Variants in DZANK1 observed in about 807,000 individuals in gnomAD.
The protein encoded by DZANK1 is double zinc ribbon and ankyrin repeat-containing protein 1.
A neutral mutation model predicts 94.5 loss-of-function variants in DZANK1; 91 were observed. That is an observed-to-expected ratio of 0.96 (90% CI 0.81 to 1.15). DZANK1 has a LOEUF of 1.15. Among genes scored for constraint, DZANK1 ranks in the 50% most tolerant of loss-of-function variants. DZANK1 has a pLI of 0.00. For missense variants in DZANK1, 903 were observed against 916.4 expected (o/e 0.99, Z 0.19); for synonymous variants, 312 against 325.3 (o/e 0.96, Z 0.44).
chr20:18,452,856 C>T, intron 5 of DZANK1, 117 bp from the exon 6 acceptor site: 2 of 1,064,522 alleles, frequency 1.9e-6, no homozygotes, highest in South Asian at 1.8e-5. Flanking sequence ...ACATTGCTTC[C>T]CTAGAAGTAA....
intron 12 of DZANK1, chr20:18,413,095 G>A (rs138382943): frequency 1.8e-5 from 10 of 558,000 alleles, no homozygotes; most frequent in African/African-American, 3.8e-5. Flanking sequence ...GGTGTTTGCC[G>A]GCCTGCTTGA....
In DZANK1 at chr20:18,465,279, T is replaced by C. The variant is rs753879677; in HGVS notation, c.80A>G (p.Asp27Gly). 8 of 1,607,414 alleles carry C rather than the reference T, an allele frequency of 5.0e-6. No homozygotes were observed. In the Admixed American group the frequency reaches 8.4e-5, roughly 17 times the overall value. The change falls in exon 2 of 21, where the codon GAT becomes GGT. Residue 27 changes from aspartate (D) to glycine (G), a missense_variant. Transcript: ENST00000262547. ...TTTCATTTCCAAAAGCGTATTGTTA[T>C]CAATTTCATGGTTAGCTTTTCCAGG...
At chr20:18,408,311 G>A (rs187268839) in intron 13 of DZANK1, among the ~76,000 whole-genome samples, 163 of 152,172 alleles carry the variant, frequency 1.1e-3, no homozygotes, top group Non-Finnish European at 1.3e-3. Context: ...GTGAGACTCC[G>A]TCTCAAAAAA....
intron 9 of DZANK1, among the ~76,000 whole-genome samples, chr20:18,429,233 C>T (rs1226763640): frequency 1.3e-5 from 2 of 152,152 alleles, no homozygotes; most frequent in Admixed American, 1.3e-4. Flanking sequence ...ACAGAAAATA[C>T]TTCCTCTAGG....
intron 7 of DZANK1, among the ~76,000 whole-genome samples, chr20:18,445,696 T>G (rs1459500514): frequency 1.3e-5 from 2 of 150,360 alleles, no homozygotes; most frequent in East Asian, 3.9e-4. Flanking sequence ...AGGCCAGGAG[T>G]TCAAGACCAG....
exon 20 of DZANK1, chr20:18,385,074 G>C (rs2048400709): frequency 6.4e-7 from 1 of 1,553,022 alleles, no homozygotes; most frequent in African/African-American, 1.4e-5. Context: ...GCTTCATGAA[G>C]AGCTGTATTT....
At chr20:18,392,971 G>A (rs1025729855) in intron 17 of DZANK1, among the ~76,000 whole-genome samples, 1 of 152,190 alleles carries the variant, frequency 6.6e-6, no homozygotes, top group Non-Finnish European at 1.5e-5. Context: ...AGCTGAGATC[G>A]CTAGTGCCTT....
intron 15 of DZANK1, chr20:18,394,562 CCCT>C: frequency 2.9e-6 from 2 of 683,642 alleles, no homozygotes; most frequent in Non-Finnish European, 5.4e-6. Context: ...TCAGTCTGGC[CCCT>C]CCTCCTCTCC....
chr20:18,409,392 C>A (rs1206639698), intron 13 of DZANK1, among the ~76,000 whole-genome samples: 1 of 152,072 alleles, frequency 6.6e-6, no homozygotes, highest in Admixed American at 6.6e-5. Context: ...AGTAGATCAA[C>A]GTATTCAAAG....
chr20:18,392,613 G>C (rs1421931296), intron 17 of DZANK1, among the ~76,000 whole-genome samples: 1 of 152,244 alleles, frequency 6.6e-6, no homozygotes, highest in Non-Finnish European at 1.5e-5. Flanking sequence ...GGATGGAGCA[G>C]GTGGCATCCA....
chr20:18,461,746 C>CCCA (rs912918485), intron 2 of DZANK1, among the ~76,000 whole-genome samples: 1 of 151,962 alleles, frequency 6.6e-6, no homozygotes, highest in Non-Finnish European at 1.5e-5. Flanking sequence ...ATTACAAGCA[C>CCCA]CCACCACCAC....
intron 12 of DZANK1, 77 bp from the exon 13 acceptor site, chr20:18,412,930 C>T: frequency 7.7e-7 from 1 of 1,300,664 alleles, no homozygotes; most frequent in Admixed American, 2.3e-5. Context: ...TAGAAAACAA[C>T]TCTAATCAGA....
At chr20:18,436,634 A>G (rs1568977638) in intron 8 of DZANK1, among the ~76,000 whole-genome samples, 1 of 152,156 alleles carries the variant, frequency 6.6e-6, no homozygotes, top group Non-Finnish European at 1.5e-5. Context: ...AAGTAAGGGA[A>G]AGAGAGAAAG....
intron 9 of DZANK1, among the ~76,000 whole-genome samples, 177 bp from the exon 10 acceptor site, chr20:18,427,336 T>C (rs1185771077): frequency 6.6e-6 from 1 of 151,834 alleles, no homozygotes; most frequent in Non-Finnish European, 1.5e-5. Context: ...TATCTGTAGG[T>C]TTTTTTGGGT....
chr20:18,398,053 TA>T (rs1194608307), intron 14 of DZANK1, among the ~76,000 whole-genome samples: 3 of 152,130 alleles, frequency 2.0e-5, no homozygotes, highest in South Asian at 2.1e-4. Flanking sequence ...AATTTGTGGT[TA>T]TTTTTTTTAA....
At chr20:18,394,798 C>G (rs2056241836) in intron 15 of DZANK1, 1 of 457,344 alleles carries the variant, frequency 2.2e-6, no homozygotes, top group South Asian at 1.5e-5. Context: ...CTGCCACTTA[C>G]TAACTTAGTG....
At position 18,458,276 on chromosome 20, in the gene DZANK1, T is replaced by C. The variant is rs183247697; in HGVS notation, c.263+1877A>G. On this transcript the variant is annotated intron_variant, in intron 3 of 20. Coordinates refer to ENST00000262547, the Ensembl canonical transcript of DZANK1. The stretch of plus-strand genomic sequence containing the variant: ...TATCCCTGGATCTTAGGGCGGAAGA[T>C]TTATGAATCTTTAAATCTGGTTTTG... 1.3e-3 allele frequency among the ~76,000 whole-genome samples: 205 copies of C among 152,314 alleles called. 1 individual carries two copies. The highest frequency in any genetic ancestry group is 4.6e-3 in the African/African-American group (190 of 41,574).
At chr20:18,443,906 C>A (rs906290863) in intron 7 of DZANK1, among the ~76,000 whole-genome samples, 1 of 152,166 alleles carries the variant, frequency 6.6e-6, no homozygotes, top group Non-Finnish European at 1.5e-5. Context: ...TCAAACCCAT[C>A]CTTTCTCTTT....
At chr20:18,405,774 A>T (rs1302370567) in intron 13 of DZANK1, among the ~76,000 whole-genome samples, 2 of 152,242 alleles carry the variant, frequency 1.3e-5, no homozygotes, top group African/African-American at 2.4e-5. Context: ...TCATATTGTG[A>T]AAAGAGGCAT....
Sources: gnomAD v4.1 joint callset for allele counts (sites outside exome capture counted in the v4.1 genomes callset) on GRCh38, gnomAD v4.1.1 for gene constraint, MANE v1.5 for transcripts, NCBI Gene and HGNC (gene_info 2026-07-23, HGNC 2026-07-21) for gene names.